ST3GAL3: variants seen among roughly 807,000 people sequenced by gnomAD.
ST3GAL3 encodes ST3 beta-galactoside alpha-2,3-sialyltransferase 3.
ST3GAL3 carries 21 observed loss-of-function variants against 50.1 expected under a neutral mutation model. The observed-to-expected ratio is 0.42, with a 90% CI of 0.30 to 0.60. The LOEUF (loss-of-function observed/expected upper bound fraction) is 0.60, where lower values mean the gene tolerates loss of function less well. Among genes scored for constraint, ST3GAL3 ranks in the 20% least tolerant of loss-of-function variants. The pLI is 0.19. For synonymous variants in ST3GAL3, 183 were observed against 190.0 expected (o/e 0.96, Z 0.30); for missense variants, 353 against 489.4 (o/e 0.72, Z 2.63).
chr1:43,925,496 C>A (rs775702482), intron 11 of ST3GAL3, among the ~76,000 whole-genome samples: 19 of 152,120 alleles, frequency 1.2e-4, no homozygotes, highest in Non-Finnish European at 1.9e-4. Flanking sequence ...GAAATCTTAG[C>A]CATTATGATT....
intron 9 of ST3GAL3, chr1:43,912,121 T>G (rs997828495): frequency 6.6e-6 from 1 of 152,160 alleles, no homozygotes; most frequent in African/African-American, 2.4e-5. Flanking sequence ...TGGCTGGAGA[T>G]GAGGCTAGGT....
chr1:43,724,372 G>A (rs1671950998), intron 1 of ST3GAL3, among the ~76,000 whole-genome samples: 1 of 150,504 alleles, frequency 6.6e-6, no homozygotes, highest in African/African-American at 2.5e-5. Flanking sequence ...CACCACACCT[G>A]GCTATTTTCA....
At position 43,899,743 on chromosome 1, in the gene ST3GAL3, A is replaced by C. The variant is rs2077973745; in HGVS notation, c.744+16A>C. 6.2e-7 allele frequency: 1 copy of C among 1,612,568 alleles called. No homozygotes were observed. The highest frequency in any genetic ancestry group is 1.1e-5 in the South Asian group (1 of 91,042). On this transcript the variant is annotated intron_variant, in intron 9 of 11. Coordinates refer to ENST00000347631, the MANE Select transcript of ST3GAL3 (RefSeq NM_006279.5). The surrounding 1 kb of genome is among the most constrained non-coding windows in gnomAD (Gnocchi z 5.4). ...GGAGAGAGTGGTAAGCTCTCCTGGCACCAGCTTCTTCCCCTCTTGCCCTGG... is the reference window on the plus strand; with the variant it reads ...GGAGAGAGTGGTAAGCTCTCCTGGCCCCAGCTTCTTCCCCTCTTGCCCTGG...
chr1:43,822,358 G>T (rs1472673820), intron 4 of ST3GAL3, among the ~76,000 whole-genome samples: 2 of 152,174 alleles, frequency 1.3e-5, no homozygotes, highest in Admixed American at 1.3e-4. Context: ...GTGTGGGCAG[G>T]TGCTCTGTGC....
At chr1:43,880,596 T>C (rs1467842668) in intron 5 of ST3GAL3, among the ~76,000 whole-genome samples, 1 of 152,066 alleles carries the variant, frequency 6.6e-6, no homozygotes, top group Admixed American at 6.6e-5. Context: ...TCCCACTTCA[T>C]CTCCAGCCTC....
intron 2 of ST3GAL3, among the ~76,000 whole-genome samples, chr1:43,761,179 C>T (rs1690191933): frequency 1.3e-5 from 2 of 152,162 alleles, no homozygotes; most frequent in African/African-American, 2.4e-5. Context: ...CAGTTCATTT[C>T]CTGTTGTTGG....
At chr1:43,814,818 G>A in intron 3 of ST3GAL3, 73 bp from the exon 4 acceptor site, 1 of 1,440,316 alleles carries the variant, frequency 6.9e-7, no homozygotes. Flanking sequence ...CTGTGGTCTA[G>A]GTCTGGGGGA....
intron 9 of ST3GAL3, among the ~76,000 whole-genome samples, chr1:43,906,117 C>A (rs2079558853): frequency 8.9e-6 from 1 of 111,858 alleles, no homozygotes. Flanking sequence ...CTTTTCCTCC[C>A]CCTCTTCCTG....
At position 43,813,897 on chromosome 1, in the gene ST3GAL3, ACACACG is replaced by A. The variant is rs1280111223; in HGVS notation, c.167-988_167-983del. Among the ~76,000 whole-genome samples the A allele has an allele frequency of 9.6e-3, 402 of 42,026 alleles. 3 individuals carry two copies. Among genetic ancestry groups the A allele is most frequent in the Middle Eastern group, 0.017 (1 of 58 alleles). 27.6% of individuals were successfully genotyped at this position (42,026 alleles called of 152,430 possible). A position where few individuals can be genotyped will look rare whatever the true frequency, so the allele number is the denominator to read the frequency against. On this transcript the variant is annotated intron_variant, in intron 3 of 11. Transcript: ENST00000347631. ...CACACACACACACACACACACACGC[ACACACG>A]CACACACACACACACACACACACAC...
intron 2 of ST3GAL3, among the ~76,000 whole-genome samples, chr1:43,740,544 G>A (rs1680413042): frequency 6.6e-6 from 1 of 152,006 alleles, no homozygotes; most frequent in African/African-American, 2.4e-5. Context: ...CCAGCACTTT[G>A]AGAGACTGAG....
At chr1:43,848,449 G>A (rs191748497) in intron 5 of ST3GAL3, among the ~76,000 whole-genome samples, 38 of 151,940 alleles carry the variant, frequency 2.5e-4, no homozygotes, top group African/African-American at 8.7e-4. Flanking sequence ...GGGATTACAA[G>A]CATGCGCCAC....
rs1028389770 is a variant in ST3GAL3 at position 43,723,245 on chromosome 1, A to G, written c.-30-12988A>G. Among the ~76,000 whole-genome samples, 5 of 151,740 alleles carry G rather than the reference A, an allele frequency of 3.3e-5. No homozygotes were observed. The South Asian group carries it at 8.3e-4, about 25-fold the overall frequency. On this transcript the variant is annotated intron_variant, in intron 1 of 11. Transcript: ENST00000347631. ...TGCCTCAGCCTCCTGAGTAGCTGGG[A>G]TTACAGGCACGCACCACCACACCCA...
At chr1:43,902,139 G>T (rs960364385) in intron 9 of ST3GAL3, among the ~76,000 whole-genome samples, 5 of 152,228 alleles carry the variant, frequency 3.3e-5, no homozygotes, top group African/African-American at 1.2e-4. Context: ...CCTGTCTGGT[G>T]CCCTAGTCAC....
intron 5 of ST3GAL3, among the ~76,000 whole-genome samples, chr1:43,888,785 A>G (rs1294862316): frequency 1.3e-5 from 2 of 152,166 alleles, no homozygotes; most frequent in Non-Finnish European, 2.9e-5. Flanking sequence ...GTGATGTTGC[A>G]GGGGCTGTGG....
At chr1:43,811,779 C>G (rs960073847) in intron 3 of ST3GAL3, among the ~76,000 whole-genome samples, 2 of 152,168 alleles carry the variant, frequency 1.3e-5, no homozygotes, top group African/African-American at 4.8e-5. Flanking sequence ...GTTAGGCATC[C>G]TTCAGAGGCT....
chr1:43,886,618 T>G (rs1255582795), intron 5 of ST3GAL3, among the ~76,000 whole-genome samples: 1 of 152,146 alleles, frequency 6.6e-6, no homozygotes, highest in Non-Finnish European at 1.5e-5. Flanking sequence ...ATAATGCATG[T>G]GTAAATGCAA....
rs901478659 is a variant in ST3GAL3, at chr1:43,840,751, G to T, written c.302+2440G>T. 2.0e-5 allele frequency: 3 copies of T among 152,226 alleles called. No individual in the cohort carries two copies. The East Asian group carries it at 5.8e-4, about 29-fold the overall frequency. 9.4% of individuals were successfully genotyped at this position (152,226 alleles called of 1,614,324 possible). A position where few individuals can be genotyped will look rare whatever the true frequency, so the allele number is the denominator to read the frequency against. On this transcript the variant is annotated intron_variant, in intron 5 of 11. Coordinates refer to ENST00000347631, the MANE Select transcript of ST3GAL3 (RefSeq NM_006279.5). ...CCCTTTATTTCTCAAGCTGGCCGACGCTTAGGAAAAATAGAAAAGAACCTA... is the reference window on the plus strand; with the variant it reads ...CCCTTTATTTCTCAAGCTGGCCGACTCTTAGGAAAAATAGAAAAGAACCTA...
intron 5 of ST3GAL3, among the ~76,000 whole-genome samples, chr1:43,869,637 C>G (rs1036138042): frequency 8.6e-5 from 13 of 151,308 alleles, no homozygotes; most frequent in South Asian, 2.1e-4. Flanking sequence ...TGACCAAATG[C>G]TCTTGCCAAG....
At chr1:43,912,512 A>T (rs1249422784) in intron 9 of ST3GAL3, 1 of 152,238 alleles carries the variant, frequency 6.6e-6, no homozygotes. Context: ...TTGTGCAGGG[A>T]TGTGAATAAA....
Sources: gnomAD v4.1 joint callset for allele counts (sites outside exome capture counted in the v4.1 genomes callset) on GRCh38, gnomAD v4.1.1 for gene constraint, Gnocchi (gnomAD v3.1) non-coding constraint, MANE v1.5 for transcripts, NCBI Gene and HGNC (gene_info 2026-07-23, HGNC 2026-07-21) for gene names.